The following RNF150 variants were observed in gnomAD, a reference collection of about 807,000 sequenced individuals.
RNF150 encodes ring finger protein 150.
RNF150 carries 24 observed loss-of-function variants against 39.3 expected under a neutral mutation model. The ratio of observed to expected loss-of-function variants is 0.61; its 90% confidence interval spans 0.44 to 0.86. The LOEUF (loss-of-function observed/expected upper bound fraction) is 0.86, where lower values mean the gene tolerates loss of function less well. RNF150 is among the 40% of genes least tolerant of loss of function. The pLI, the probability that RNF150 is intolerant of heterozygous loss-of-function variation, is 0.00. For synonymous variants in RNF150, 255 were observed against 227.3 expected, an observed-to-expected ratio of 1.12 and a Z score of -1.10; for missense variants, 502 against 587.8, an observed-to-expected ratio of 0.85 and a Z score of 1.51.
chr4:140,888,889 G>A (rs941852366), intron 6 of RNF150, among the ~76,000 whole-genome samples: 2 of 152,170 alleles, frequency 1.3e-5, no homozygotes, highest in East Asian at 3.9e-4. Flanking sequence ...TGATAAAGTT[G>A]AAGCTATTTA....
At chr4:141,044,414 C>T (rs1272518320) in intron 1 of RNF150, among the ~76,000 whole-genome samples, 2 of 152,088 alleles carry the variant, frequency 1.3e-5, no homozygotes, top group East Asian at 3.9e-4. Flanking sequence ...TCTGGGTCTA[C>T]ATCAAAATCC....
chr4:141,094,251 T>C (rs996588805), intron 1 of RNF150, among the ~76,000 whole-genome samples: 6 of 152,170 alleles, frequency 3.9e-5, no homozygotes, highest in Non-Finnish European at 7.4e-5. Context: ...TCTACACCCA[T>C]AAATTCAAAG....
chr4:140,866,742 G>A lies in RNF150; in HGVS notation c.*1519C>T, dbSNP rs1468655315. On this transcript the variant is annotated 3_prime_UTR_variant, in exon 7 of 7. Transcript: ENST00000515673. Reference sequence around the variant, plus strand: ...TCAGTGAGAAAAGCTTTCTTTCCTGGTTAATCCAAGCCGCAGCCTGGTGTT... The same window carrying A: ...TCAGTGAGAAAAGCTTTCTTTCCTGATTAATCCAAGCCGCAGCCTGGTGTT... The A allele has an allele frequency of 6.6e-6, 1 of 152,138 alleles. No homozygotes were observed. The highest frequency in any genetic ancestry group is 1.5e-5 in the Non-Finnish European group (1 of 68,032). 9.4% of individuals were successfully genotyped at this position (152,138 alleles called of 1,614,324 possible). A position where few individuals can be genotyped will look rare whatever the true frequency, so the allele number is the denominator to read the frequency against.
At chr4:140,941,656 G>A (rs966268810) in intron 4 of RNF150, among the ~76,000 whole-genome samples, 4 of 152,096 alleles carry the variant, frequency 2.6e-5, no homozygotes, top group East Asian at 1.9e-4. Context: ...TAAAGAGCAC[G>A]AGTAGAAGCA....
At chr4:140,869,649 G>C (rs761021305) in intron 6 of RNF150, among the ~76,000 whole-genome samples, 5 of 152,168 alleles carry the variant, frequency 3.3e-5, no homozygotes, top group Non-Finnish European at 7.3e-5. Flanking sequence ...TACAGGAGCA[G>C]GTAAGAGGGC....
chr4:141,174,945 A>T lies in RNF150; in HGVS notation c.-6+37849T>A, dbSNP rs150916710. ...CCAAATGAAGGAGTTGTAAGCATTG[A>T]TTCTGCAATGGCAGCCTTAGCAGGA... On this transcript the variant is annotated intron_variant, in intron 1 of 7. Transcript: ENST00000420921. Among the ~76,000 whole-genome samples, 339 of 151,556 alleles carry T rather than the reference A, an allele frequency of 2.2e-3. 9 individuals carry two copies. The East Asian group carries it at 0.048, about 22-fold the overall frequency.
chr4:141,030,638 A>G (rs1735908400), intron 1 of RNF150, among the ~76,000 whole-genome samples: 1 of 152,226 alleles, frequency 6.6e-6, no homozygotes, highest in Non-Finnish European at 1.5e-5. Flanking sequence ...GAAGGAAATT[A>G]GATGTAACAC....
intron 1 of RNF150, among the ~76,000 whole-genome samples, chr4:141,008,735 C>T (rs1400302384): frequency 6.6e-6 from 1 of 152,118 alleles, no homozygotes; most frequent in Non-Finnish European, 1.5e-5. Context: ...ATTCTGGATT[C>T]TTTGCCATGT....
At chr4:140,989,422 A>G (rs1023826747) in intron 1 of RNF150, among the ~76,000 whole-genome samples, 2 of 152,124 alleles carry the variant, frequency 1.3e-5, no homozygotes, top group Non-Finnish European at 2.9e-5. Flanking sequence ...GGAGCTGGCC[A>G]AAAAGCACTC....
At chr4:141,073,101 G>C (rs1165207726) in intron 1 of RNF150, among the ~76,000 whole-genome samples, 1 of 151,906 alleles carries the variant, frequency 6.6e-6, no homozygotes, top group Non-Finnish European at 1.5e-5. Flanking sequence ...GTTAATCCCA[G>C]CTACATCAGG....
chr4:141,116,365 T>A (rs1739549714), intron 1 of RNF150, among the ~76,000 whole-genome samples: 1 of 152,210 alleles, frequency 6.6e-6, no homozygotes, highest in Non-Finnish European at 1.5e-5. Flanking sequence ...AAGACATTTA[T>A]GCGGCCAACA....
chr4:141,052,602 C>T (rs1189919115), intron 1 of RNF150, among the ~76,000 whole-genome samples: 1 of 152,124 alleles, frequency 6.6e-6, no homozygotes, highest in Non-Finnish European at 1.5e-5. Context: ...TCTTGGACTC[C>T]TGACCTGAGG....
At chr4:141,172,793 G>A (rs1560767877) in intron 1 of RNF150, among the ~76,000 whole-genome samples, 1 of 152,192 alleles carries the variant, frequency 6.6e-6, no homozygotes, top group Non-Finnish European at 1.5e-5. Flanking sequence ...GGAAGGCCGA[G>A]GTGGGCAGAT....
chr4:141,138,302 A>G (rs528613353), upstream of RNF150, among the ~76,000 whole-genome samples: 3 of 152,240 alleles, frequency 2.0e-5, no homozygotes, highest in African/African-American at 7.2e-5. Flanking sequence ...TGATTGGTGG[A>G]TTGCATTTTT....
intron 1 of RNF150, among the ~76,000 whole-genome samples, chr4:141,029,325 A>G (rs2110817758): frequency 6.6e-6 from 1 of 152,200 alleles, no homozygotes; most frequent in South Asian, 2.1e-4. Flanking sequence ...TATACCTTAT[A>G]TTTTTTCAAG....
At chr4:140,966,327 G>A (rs1053703551) in intron 2 of RNF150, among the ~76,000 whole-genome samples, 1 of 152,030 alleles carries the variant, frequency 6.6e-6, no homozygotes, top group Non-Finnish European at 1.5e-5. Flanking sequence ...GTGACACAGT[G>A]AGCGAGACTC....
chr4:141,165,124 C>CA (rs1178797976), intron 1 of RNF150, among the ~76,000 whole-genome samples: 1 of 151,888 alleles, frequency 6.6e-6, no homozygotes, highest in Non-Finnish European at 1.5e-5. Flanking sequence ...AAACGGAAAG[C>CA]AAAAAACAGC....
At chr4:141,155,247 G>A (rs1431166231) in intron 1 of RNF150, among the ~76,000 whole-genome samples, 7 of 131,736 alleles carry the variant, frequency 5.3e-5, no homozygotes, top group Non-Finnish European at 6.4e-5. Context: ...CACCACACCC[G>A]GCTGATTTTT....
intron 1 of RNF150, among the ~76,000 whole-genome samples, chr4:141,009,255 C>CATGAATAACATGGT (rs1322687734): frequency 6.6e-6 from 1 of 152,108 alleles, no homozygotes; most frequent in Non-Finnish European, 1.5e-5. Context: ...TCTAATCTAC[C>CATGAATAACATGGT]ATGTTATTCA....
Sources: gnomAD v4.1 joint callset for allele counts (sites outside exome capture counted in the v4.1 genomes callset) on GRCh38, gnomAD v4.1.1 for gene constraint, MANE v1.5 for transcripts, NCBI Gene and HGNC (gene_info 2026-07-23, HGNC 2026-07-21) for gene names.